Variants in TTLL7 observed in about 807,000 individuals in gnomAD.
TTLL7 encodes the protein tubulin polyglutamylase TTLL7.
A neutral mutation model predicts 120.2 loss-of-function variants in TTLL7; 53 were observed. The observed-to-expected ratio is 0.44, with a 90% CI of 0.35 to 0.55. The LOEUF is 0.55. Among genes scored for constraint, TTLL7 ranks in the 20% least tolerant of loss-of-function variants. The pLI is 0.00. For synonymous variants in TTLL7, 353 were observed against 351.7 expected (o/e 1.00, Z -0.04); for missense variants, 803 against 1,054.7 (o/e 0.76, Z 3.31).
At chr1:83,985,237 G>C (rs1461795403) in intron 1 of TTLL7, among the ~76,000 whole-genome samples, 1 of 152,154 alleles carries the variant, frequency 6.6e-6, no homozygotes, top group Non-Finnish European at 1.5e-5. Context: ...AAAACCCCTG[G>C]CAATTCCCTG....
Position 83,868,710 on chromosome 1 carries a change from A to G in TTLL7, c.*1252T>C, listed in dbSNP as rs552654192. 3.9e-5 allele frequency: 6 copies of G among 152,156 alleles called. No homozygotes were observed. The highest frequency in any genetic ancestry group is 1.4e-4 in the African/African-American group (6 of 41,532). The allele number at this position is 152,156 out of a possible 1,614,324, so 9.4% of individuals were successfully genotyped here. ...ACACTAAAATGAGTGAAATGTGTCA[A>G]CTCTTCTACTTCTGCGAAACAGGAG... On this transcript the variant is annotated 3_prime_UTR_variant, in exon 21 of 21. Coordinates refer to ENST00000260505, the MANE Select transcript of TTLL7 (RefSeq NM_024686.6).
At chr1:83,942,022 T>G (rs368401168) in intron 7 of TTLL7, among the ~76,000 whole-genome samples, 1 of 152,182 alleles carries the variant, frequency 6.6e-6, no homozygotes, top group African/African-American at 2.4e-5. Context: ...ACATTCAACA[T>G]GTTCACACCC....
intron 9 of TTLL7, among the ~76,000 whole-genome samples, chr1:83,931,398 TCAGCCCC>T (rs1223134265): frequency 6.6e-6 from 1 of 151,878 alleles, no homozygotes; most frequent in Non-Finnish European, 1.5e-5. Flanking sequence ...TTTATCTCTC[TCAGCCCC>T]CAGCCCCTAC....
chr1:83,992,375 C>T (rs1209247081), intron 1 of TTLL7, among the ~76,000 whole-genome samples: 1 of 151,622 alleles, frequency 6.6e-6, no homozygotes, highest in Non-Finnish European at 1.5e-5. Flanking sequence ...TGGAAATAGG[C>T]ATCACAGATT....
intron 1 of TTLL7, chr1:83,981,358 T>C (rs1276868108): frequency 6.6e-6 from 1 of 151,306 alleles, no homozygotes; most frequent in East Asian, 1.9e-4. Context: ...GCTATAACAA[T>C]ATCAGATAAA....
intron 15 of TTLL7, among the ~76,000 whole-genome samples, chr1:83,908,788 A>T (rs1257835675): frequency 6.6e-6 from 1 of 151,962 alleles, no homozygotes; most frequent in Non-Finnish European, 1.5e-5. Context: ...GAATACCCAA[A>T]TATTTCTCTT....
At chr1:83,904,550 A>G (rs1657022314) in intron 17 of TTLL7, among the ~76,000 whole-genome samples, 1 of 152,058 alleles carries the variant, frequency 6.6e-6, no homozygotes, top group South Asian at 2.1e-4. Flanking sequence ...CACAAGAATC[A>G]CTTGAATCCA....
At chr1:83,967,017 A>G (rs1031331268) in intron 1 of TTLL7, among the ~76,000 whole-genome samples, 2 of 152,122 alleles carry the variant, frequency 1.3e-5, no homozygotes. Flanking sequence ...TGCCTTAATG[A>G]ATTTATTTTA....
chr1:83,945,626 T>G (rs1387407467), intron 6 of TTLL7, among the ~76,000 whole-genome samples: 1 of 152,176 alleles, frequency 6.6e-6, no homozygotes, highest in Non-Finnish European at 1.5e-5. Flanking sequence ...ACTACTGCAT[T>G]ACATGAGATA....
intron 3 of TTLL7, among the ~76,000 whole-genome samples, chr1:83,951,373 T>C (rs1416298967): frequency 6.6e-6 from 1 of 151,612 alleles, no homozygotes; most frequent in Non-Finnish European, 1.5e-5. Context: ...AGGAATGTAA[T>C]GTGTTACTTA....
chr1:83,949,639 T>C, intron 4 of TTLL7: 1 of 462,524 alleles, frequency 2.2e-6, no homozygotes, highest in Non-Finnish European at 3.7e-6. Flanking sequence ...AGAGGTTTTT[T>C]CTATTGATTC....
intron 7 of TTLL7, among the ~76,000 whole-genome samples, chr1:83,941,194 C>T (rs1193750126): frequency 6.6e-6 from 1 of 152,212 alleles, no homozygotes; most frequent in Non-Finnish European, 1.5e-5. Context: ...GGGCTATGTG[C>T]CCCTGCTATG....
rs552860297 is a variant in TTLL7, at chr1:83,914,435, A to G, written c.1588-3072T>C. Among the ~76,000 whole-genome samples the G allele has an allele frequency of 3.4e-5, 5 of 145,566 alleles. No homozygotes were observed. The East Asian group carries it at 1.0e-3, about 30-fold the overall frequency. ...CAACCTCTGCCTCCCACGTTCAAGCAATTCTCCTGCTTCAGCCTCCCGAGT... is the reference window on the plus strand; with the variant it reads ...CAACCTCTGCCTCCCACGTTCAAGCGATTCTCCTGCTTCAGCCTCCCGAGT... On this transcript the variant is annotated intron_variant, in intron 14 of 20. Coordinates refer to ENST00000260505, the MANE Select transcript of TTLL7 (RefSeq NM_024686.6).
intron 20 of TTLL7, among the ~76,000 whole-genome samples, chr1:83,880,696 G>A (rs1005980514): frequency 6.6e-5 from 10 of 151,898 alleles, no homozygotes; most frequent in Middle Eastern, 3.4e-3. Context: ...AATGCCATCC[G>A]CATCAAGCTA....
At chr1:83,892,873 G>GAGCA (rs1655830612) in intron 18 of TTLL7, among the ~76,000 whole-genome samples, 1 of 93,450 alleles carries the variant, frequency 1.1e-5, no homozygotes, top group Non-Finnish European at 2.3e-5. Flanking sequence ...TATATATAAA[G>GAGCA]AAAAGAGCAA....
intron 8 of TTLL7, among the ~76,000 whole-genome samples, chr1:83,935,798 T>A (rs1241056074): frequency 6.6e-6 from 1 of 152,190 alleles, no homozygotes; most frequent in Admixed American, 6.5e-5. Context: ...CACCTCGTCC[T>A]GTCATTCTCT....
intron 14 of TTLL7, among the ~76,000 whole-genome samples, chr1:83,917,090 C>A (rs1420627105): frequency 6.8e-6 from 1 of 147,328 alleles, no homozygotes; most frequent in Admixed American, 6.8e-5. Context: ...GAGAGTGAGA[C>A]CCTGTTATCA....
chr1:83,948,002 T>C (rs1648675740), intron 5 of TTLL7, among the ~76,000 whole-genome samples: 1 of 152,142 alleles, frequency 6.6e-6, no homozygotes, highest in Non-Finnish European at 1.5e-5. Flanking sequence ...GTACTTATTA[T>C]CAGCTTTTCC....
chr1:83,982,004 A>G (rs1250020179), intron 1 of TTLL7, among the ~76,000 whole-genome samples: 1 of 152,184 alleles, frequency 6.6e-6, no homozygotes, highest in Non-Finnish European at 1.5e-5. Flanking sequence ...TCAAGTGCCC[A>G]TACAGCACTC....
Sources: gnomAD v4.1 joint callset for allele counts (sites outside exome capture counted in the v4.1 genomes callset) on GRCh38, gnomAD v4.1.1 for gene constraint, MANE v1.5 for transcripts, NCBI Gene and HGNC (gene_info 2026-07-23, HGNC 2026-07-21) for gene names.